The following ADCY8 variants were observed in gnomAD, a reference collection of about 807,000 sequenced individuals.
ADCY8 encodes the protein adenylate cyclase type 8.
ADCY8 carries 51 observed loss-of-function variants against 119.7 expected under a neutral mutation model. That is an observed-to-expected ratio of 0.43 (90% CI 0.34 to 0.54). The LOEUF (loss-of-function observed/expected upper bound fraction) is 0.54. ADCY8 is among the 20% of genes least tolerant of loss of function. ADCY8 has a pLI of 0.03. For synonymous variants in ADCY8, 665 were observed against 651.0 expected, an observed-to-expected ratio of 1.02 and a Z score of -0.33; for missense variants, 1,383 against 1,598.8, an observed-to-expected ratio of 0.87 and a Z score of 2.30.
chr8:130,971,551 A>G (rs191261206), intron 2 of ADCY8, among the ~76,000 whole-genome samples: 3 of 152,326 alleles, frequency 2.0e-5, no homozygotes, highest in Admixed American at 2.0e-4. Flanking sequence ...AAATGATGCA[A>G]TTTACTGAAG....
intron 1 of ADCY8, among the ~76,000 whole-genome samples, chr8:131,015,038 T>C (rs953184606): frequency 6.6e-6 from 1 of 152,152 alleles, no homozygotes; most frequent in African/African-American, 2.4e-5. Context: ...ACTAAGGTCT[T>C]ACCCAGGGCA....
intron 15 of ADCY8, among the ~76,000 whole-genome samples, chr8:130,795,638 C>T (rs757501330): frequency 7.2e-5 from 11 of 152,144 alleles, no homozygotes; most frequent in Non-Finnish European, 1.6e-4. Flanking sequence ...GACAGGCAGA[C>T]GGAGCAGAAG....
intron 9 of ADCY8, among the ~76,000 whole-genome samples, chr8:130,862,893 T>G (rs111309406): frequency 0.01 from 1,549 of 152,304 alleles, 29 homozygotes; most frequent in African/African-American, 0.036. Context: ...TTTATGAAGG[T>G]GTATTATGGC....
At chr8:130,858,485 A>G (rs1817820096) in intron 9 of ADCY8, among the ~76,000 whole-genome samples, 1 of 152,176 alleles carries the variant, frequency 6.6e-6, no homozygotes, top group Non-Finnish European at 1.5e-5. Flanking sequence ...GAGGAAGACC[A>G]CAGAGGTTAT....
In ADCY8 at chr8:130,847,522, TAA is replaced by T. The variant is rs5895060; in HGVS notation, c.2413-11_2413-10del. The T allele has an allele frequency of 0.063, 83,797 of 1,337,328 alleles. No individual in the cohort carries two copies. The highest frequency in any genetic ancestry group is 0.074 in the South Asian group (5,137 of 69,862). 82.8% of individuals were successfully genotyped at this position (1,337,328 alleles called of 1,614,324 possible). Reference sequence around the variant, plus strand: ...TCAAAATCACACCACAGCTGCGGATTAAAAAAAAAAAAAAAAGAACAACAAAA... The same window carrying T: ...TCAAAATCACACCACAGCTGCGGATTAAAAAAAAAAAAAAGAACAACAAAA... On this transcript the variant is annotated splice_polypyrimidine_tract_variant and intron_variant, in intron 10 of 17. Transcript: ENST00000286355.
chr8:130,949,616 T>C (rs1039404947), intron 3 of ADCY8: 1 of 152,158 alleles, frequency 6.6e-6, no homozygotes, highest in Admixed American at 6.5e-5. Flanking sequence ...TTCATGTATT[T>C]GTGTTTTTCA....
intron 2 of ADCY8, among the ~76,000 whole-genome samples, chr8:130,963,977 G>A (rs2130689707): frequency 6.6e-6 from 1 of 152,332 alleles, no homozygotes; most frequent in East Asian, 1.9e-4. Context: ...GTTTTAGACT[G>A]TGAGGTTACT....
intron 2 of ADCY8, among the ~76,000 whole-genome samples, chr8:130,954,211 G>T (rs576190951): frequency 1.3e-5 from 2 of 152,314 alleles, no homozygotes; most frequent in Non-Finnish European, 2.9e-5. Context: ...TTAATAACCA[G>T]AGTGAGAAAA....
intron 5 of ADCY8, among the ~76,000 whole-genome samples, chr8:130,916,709 C>A (rs1415014862): frequency 2.6e-5 from 4 of 152,260 alleles, no homozygotes; most frequent in Non-Finnish European, 5.9e-5. Flanking sequence ...AAAGCATGAG[C>A]GATCTGTGCC....
At chr8:130,818,837 T>C (rs2130189152) in intron 13 of ADCY8, among the ~76,000 whole-genome samples, 1 of 152,324 alleles carries the variant, frequency 6.6e-6, no homozygotes, top group East Asian at 1.9e-4. Context: ...AGAATGGAAC[T>C]AGGAGCTTGA....
At chr8:131,013,203 C>T (rs888077784) in intron 1 of ADCY8, among the ~76,000 whole-genome samples, 1 of 152,172 alleles carries the variant, frequency 6.6e-6, no homozygotes, top group Non-Finnish European at 1.5e-5. Flanking sequence ...ATGGGACATC[C>T]TGTGGAGACT....
intron 3 of ADCY8, among the ~76,000 whole-genome samples, chr8:130,948,571 G>C (rs1412156811): frequency 6.0e-5 from 9 of 150,318 alleles, no homozygotes; most frequent in African/African-American, 2.0e-4. Flanking sequence ...TCCTGATGAA[G>C]GTAAACAGTG....
At chr8:130,962,992 C>G (rs1028616042) in intron 2 of ADCY8, among the ~76,000 whole-genome samples, 1 of 152,148 alleles carries the variant, frequency 6.6e-6, no homozygotes, top group Admixed American at 6.5e-5. Context: ...GAATATGATG[C>G]TATTTTCATT....
intron 9 of ADCY8, among the ~76,000 whole-genome samples, chr8:130,861,661 TTTTA>T (rs1179249411): frequency 5.3e-5 from 8 of 152,178 alleles, no homozygotes; most frequent in Non-Finnish European, 1.2e-4. Flanking sequence ...TATGTATGCC[TTTTA>T]TTTCTTTTTG....
At chr8:130,907,660 T>C (rs1819832939) in intron 6 of ADCY8, among the ~76,000 whole-genome samples, 2 of 152,226 alleles carry the variant, frequency 1.3e-5, no homozygotes, top group Non-Finnish European at 2.9e-5. Context: ...TGACTCATGA[T>C]ATGAAAAATA....
intron 2 of ADCY8, among the ~76,000 whole-genome samples, chr8:130,957,362 G>A (rs913473991): frequency 5.9e-5 from 9 of 152,162 alleles, no homozygotes; most frequent in Non-Finnish European, 1.3e-4. Context: ...GGTATCTAAG[G>A]GAAGAAATTT....
intron 12 of ADCY8, among the ~76,000 whole-genome samples, chr8:130,827,633 C>T (rs919574769): frequency 6.6e-6 from 1 of 152,090 alleles, no homozygotes; most frequent in Non-Finnish European, 1.5e-5. Context: ...TCTATTAAAC[C>T]CCACTCCTAA....
intron 2 of ADCY8, among the ~76,000 whole-genome samples, chr8:130,957,400 C>A (rs1423863402): frequency 1.3e-5 from 2 of 152,164 alleles, no homozygotes; most frequent in African/African-American, 4.8e-5. Flanking sequence ...CAAGAGATGA[C>A]TTGGGTGCTG....
At chr8:130,861,816 T>G (rs950202585) in intron 9 of ADCY8, among the ~76,000 whole-genome samples, 29 of 152,082 alleles carry the variant, frequency 1.9e-4, no homozygotes, top group Non-Finnish European at 4.1e-4. Flanking sequence ...CTTTTTTTTT[T>G]GGGAGATATT....
Sources: allele counts gnomAD v4.1 joint callset (sites outside exome capture counted in the v4.1 genomes callset), GRCh38; gene constraint gnomAD v4.1.1; transcripts MANE v1.5; gene names NCBI Gene and HGNC (gene_info 2026-07-23, HGNC 2026-07-21).